Variants in UIMC1 observed in about 807,000 individuals in gnomAD.
UIMC1 encodes the protein BRCA1-A complex subunit RAP80.
UIMC1 carries 42 observed loss-of-function variants against 84.9 expected under a neutral mutation model. The ratio of observed to expected loss-of-function variants is 0.49; its 90% CI spans 0.39 to 0.64. The LOEUF is 0.64. UIMC1 is among the 30% of genes least tolerant of loss of function. UIMC1 has a pLI of 0.00. For synonymous variants in UIMC1, 281 were observed against 293.0 expected (o/e 0.96, Z 0.42); for missense variants, 825 against 847.6 (o/e 0.97, Z 0.33).
intron 1 of UIMC1, among the ~76,000 whole-genome samples, chr5:176,999,710 A>C (rs1774168383): frequency 6.6e-6 from 1 of 152,158 alleles, no homozygotes; most frequent in Non-Finnish European, 1.5e-5. Flanking sequence ...AGTTTCACCC[A>C]TGTTGTTACA....
In UIMC1 at chr5:176,911,378, T is replaced by G. The variant is rs1376674870; in HGVS notation, c.1609A>C (p.Arg537=). Residue 537 remains arginine (R), a synonymous_variant, in exon 11 of 15, where the codon AGA becomes CGA. Transcript: ENST00000511320. Reference sequence around the variant, plus strand: ...CTCTTGGTCTTGGCCTCTTTTTGTCTCCGAGTCAATACTTTTAATATAAAA... The same window carrying G: ...CTCTTGGTCTTGGCCTCTTTTTGTCGCCGAGTCAATACTTTTAATATAAAA... The part of the protein sequence containing the change: ...LMEEDTVLTR[R]QKEAKTKSDS... 1 of 1,589,498 alleles carries G rather than the reference T, an allele frequency of 6.3e-7. No homozygotes were observed. The highest frequency in any genetic ancestry group is 1.7e-5 in the Admixed American group (1 of 58,822).
Position 176,951,493 on chromosome 5 carries a change from A to AT in UIMC1, c.1423dup (p.Ile475AsnfsTer6), listed in dbSNP as rs1765874060. 2 of 1,565,222 alleles carry AT rather than the reference A, an allele frequency of 1.3e-6. No individual in the cohort carries two copies. Among genetic ancestry groups the AT allele is most frequent in the African/African-American group, 2.8e-5 (2 of 72,552 alleles). ...ATTCACCTCCTTATCTGCCATTATTATTCTGACTCCATCCAAGATATCTCT... is the reference window on the plus strand; with the variant it reads ...ATTCACCTCCTTATCTGCCATTATTATTTCTGACTCCATCCAAGATATCTCT... On this transcript the variant is annotated frameshift_variant, in exon 9 of 15. Coordinates refer to ENST00000511320, the MANE Select transcript of UIMC1 (RefSeq NM_001199298.2). LOFTEE classifies it high-confidence loss of function.
chr5:176,966,058 T>TA (rs1768244474), intron 6 of UIMC1, among the ~76,000 whole-genome samples: 1 of 152,234 alleles, frequency 6.6e-6, no homozygotes, highest in Admixed American at 6.5e-5. Context: ...TCTTTGCTGA[T>TA]ATACCTTCAG....
At chr5:177,021,226 C>T (rs1179282727) in intron 1 of UIMC1, among the ~76,000 whole-genome samples, 4 of 152,034 alleles carry the variant, frequency 2.6e-5, no homozygotes, top group African/African-American at 4.8e-5. Context: ...TGCAGTGAGC[C>T]GAGATCGCGT....
chr5:177,005,373 C>T (rs941217494), intron 1 of UIMC1, among the ~76,000 whole-genome samples: 3 of 152,096 alleles, frequency 2.0e-5, no homozygotes, highest in Non-Finnish European at 4.4e-5. Context: ...CCAGGCCCGT[C>T]GACCAAGCGC....
chr5:176,945,779 G>A (rs1343191424), intron 9 of UIMC1, among the ~76,000 whole-genome samples: 1 of 152,198 alleles, frequency 6.6e-6, no homozygotes, highest in Non-Finnish European at 1.5e-5. Flanking sequence ...GGTCTAACCA[G>A]TTGTCTAGCT....
chr5:176,919,330 C>T (rs933702794), intron 10 of UIMC1: 2 of 169,138 alleles, frequency 1.2e-5, no homozygotes, highest in Non-Finnish European at 2.6e-5. Flanking sequence ...AATATTTTCT[C>T]CTATTCTGTA....
intron 8 of UIMC1, among the ~76,000 whole-genome samples, chr5:176,952,149 T>A (rs1484333378): frequency 6.6e-6 from 1 of 152,242 alleles, no homozygotes; most frequent in East Asian, 1.9e-4. Context: ...ATTGACCAAC[T>A]GATCAACTGG....
chr5:176,992,884 G>A (rs1773087739), intron 1 of UIMC1, among the ~76,000 whole-genome samples: 3 of 152,064 alleles, frequency 2.0e-5, no homozygotes, highest in Non-Finnish European at 4.4e-5. Context: ...CTTGTATCCA[G>A]AATATACAAA....
chr5:176,999,655 T>C (rs926822306), intron 1 of UIMC1, among the ~76,000 whole-genome samples: 5 of 152,166 alleles, frequency 3.3e-5, no homozygotes, highest in African/African-American at 1.2e-4. Context: ...CATGCAATGT[T>C]TGTCTTTCTG....
chr5:177,021,014 A>G (rs145777006), intron 1 of UIMC1, among the ~76,000 whole-genome samples: 1,795 of 152,304 alleles, frequency 0.012, 13 homozygotes, highest in South Asian at 0.025. Flanking sequence ...GCAAGGTGGC[A>G]TGTGCCTGTA....
intron 10 of UIMC1, among the ~76,000 whole-genome samples, chr5:176,932,082 G>T (rs542265219): frequency 6.6e-6 from 1 of 152,180 alleles, no homozygotes; most frequent in Admixed American, 6.5e-5. Flanking sequence ...GCAGTGTAAC[G>T]TAAGTCTGGG....
chr5:176,961,189 C>T (rs1403820891), intron 6 of UIMC1, among the ~76,000 whole-genome samples: 1 of 49,490 alleles, frequency 2.0e-5, no homozygotes, highest in Non-Finnish European at 3.6e-5. Flanking sequence ...AAGTGAGGAG[C>T]GCCTCTTCCC....
chr5:176,924,320 A>T (rs1019285241), intron 10 of UIMC1, among the ~76,000 whole-genome samples: 2 of 150,176 alleles, frequency 1.3e-5, no homozygotes, highest in African/African-American at 2.4e-5. Flanking sequence ...ATTCGTCTCA[A>T]AAAAAAAAAA....
intron 1 of UIMC1, among the ~76,000 whole-genome samples, chr5:176,987,471 C>G (rs1772201473): frequency 6.6e-6 from 1 of 150,540 alleles, no homozygotes; most frequent in South Asian, 2.1e-4. Context: ...CATGGTGAAA[C>G]CCCATCTCTA....
chr5:176,941,394 T>G (rs919123830), intron 10 of UIMC1, among the ~76,000 whole-genome samples: 1 of 152,226 alleles, frequency 6.6e-6, no homozygotes, highest in African/African-American at 2.4e-5. Flanking sequence ...AAATAGTGCC[T>G]AATTTTAAGT....
rs139360164 is a variant in UIMC1, at chr5:176,949,798, G to A, written c.1443+1676C>T. ...TCCCAGGCCGGGCACAGTGGCTCAC[G>A]CCTGTAATCCCAGCACTTTGGGAGG... On this transcript the variant is annotated intron_variant, in intron 9 of 14. Transcript: ENST00000511320. 9.1e-3 allele frequency among the ~76,000 whole-genome samples: 1,389 copies of A among 152,266 alleles called. 8 individuals carry two copies. Among genetic ancestry groups the A allele is most frequent in the South Asian group, 0.025 (121 of 4,830 alleles).
At chr5:176,964,018 T>C (rs1372520196) in intron 6 of UIMC1, among the ~76,000 whole-genome samples, 2 of 152,212 alleles carry the variant, frequency 1.3e-5, no homozygotes, top group Non-Finnish European at 2.9e-5. Context: ...CAAAAACCAG[T>C]TATCATCTGA....
chr5:176,990,983 T>A (rs1459248461), intron 1 of UIMC1, among the ~76,000 whole-genome samples: 1 of 151,818 alleles, frequency 6.6e-6, no homozygotes, highest in African/African-American at 2.4e-5. Context: ...AGTCCTCAGT[T>A]TTATTTTTTA....
Sources: allele counts gnomAD v4.1 joint callset (sites outside exome capture counted in the v4.1 genomes callset), GRCh38; gene constraint gnomAD v4.1.1; transcripts MANE v1.5; gene names NCBI Gene and HGNC (gene_info 2026-07-23, HGNC 2026-07-21).